The following NRXN1 variants were observed in gnomAD, a reference collection of about 807,000 sequenced individuals.
NRXN1 encodes the protein neurexin 1, also known as neurexin-1.
NRXN1 carries 39 observed loss-of-function variants against 150.9 expected under a neutral mutation model. The observed-to-expected ratio is 0.26, with a 90% CI of 0.20 to 0.34. The LOEUF (loss-of-function observed/expected upper bound fraction) is 0.34. Among genes scored for constraint, NRXN1 ranks in the 10% least tolerant of loss-of-function variants. NRXN1 has a pLI of 1.00. For synonymous variants in NRXN1, 924 were observed against 757.0 expected, an observed-to-expected ratio of 1.22 and a Z score of -3.62; for missense variants, 1,815 against 1,949.9, an observed-to-expected ratio of 0.93 and a Z score of 1.30.
chr2:50,542,171 C>T lies in NRXN1; in HGVS notation c.1760-3535G>A, dbSNP rs545967444. Reference sequence around the variant, plus strand: ...TGGTGCATGCCTGTAATCTCAGCTACTCGGGAGGCTGAGGCAGGAGAATCG... The same window carrying T: ...TGGTGCATGCCTGTAATCTCAGCTATTCGGGAGGCTGAGGCAGGAGAATCG... On this transcript the variant is annotated intron_variant, in intron 9 of 22. Coordinates refer to ENST00000401669, the MANE Select transcript of NRXN1 (RefSeq NM_001330078.2). Among the ~76,000 whole-genome samples the T allele has an allele frequency of 3.3e-5, 5 of 152,274 alleles. No individual in the cohort carries two copies. In the East Asian group the frequency reaches 9.7e-4, roughly 29 times the overall value.
At chr2:50,121,395 A>T (rs985056888) in intron 18 of NRXN1, among the ~76,000 whole-genome samples, 1 of 152,220 alleles carries the variant, frequency 6.6e-6, no homozygotes, top group Admixed American at 6.5e-5. Flanking sequence ...TCCATTTTAC[A>T]TATGATGAAA....
At chr2:50,072,614 T>A (rs1377236) in intron 19 of NRXN1, among the ~76,000 whole-genome samples, 95,741 of 139,572 alleles carry the variant, frequency 0.69, 31,807 homozygotes, top group Middle Eastern at 0.75. Context: ...AAAAAAAAAA[T>A]AAAACAGCAA....
At chr2:50,580,302 C>T (rs974244850) in intron 8 of NRXN1, among the ~76,000 whole-genome samples, 11 of 152,110 alleles carry the variant, frequency 7.2e-5, no homozygotes, top group Admixed American at 4.6e-4. Flanking sequence ...TCCATCCTTC[C>T]TATAAATCCC....
chr2:50,391,163 A>G (rs528710618), intron 17 of NRXN1, among the ~76,000 whole-genome samples: 196 of 152,208 alleles, frequency 1.3e-3, no homozygotes, highest in African/African-American at 4.4e-3. Context: ...GCAGATGAAA[A>G]TGAGAATGTT....
chr2:50,961,903 T>C (rs1311871096), intron 2 of NRXN1, among the ~76,000 whole-genome samples: 1 of 151,204 alleles, frequency 6.6e-6, no homozygotes, highest in African/African-American at 2.4e-5. Context: ...TCTTAGAAAA[T>C]CTAGACGCTT....
chr2:50,241,716 G>A (rs1346267857), intron 17 of NRXN1, among the ~76,000 whole-genome samples: 1 of 151,800 alleles, frequency 6.6e-6, no homozygotes, highest in African/African-American at 2.4e-5. Context: ...AACTGCCTGT[G>A]ATGTTATAAT....
intron 18 of NRXN1, among the ~76,000 whole-genome samples, chr2:50,179,838 G>T (rs1038983327): frequency 6.6e-6 from 1 of 151,986 alleles, no homozygotes; most frequent in Admixed American, 6.6e-5. Flanking sequence ...AGAGCTAGAC[G>T]TCCAGGCAGA....
chr2:50,786,332 T>C (rs1202521900), intron 5 of NRXN1, among the ~76,000 whole-genome samples: 2 of 152,050 alleles, frequency 1.3e-5, no homozygotes, highest in Non-Finnish European at 2.9e-5. Flanking sequence ...TTCCTCTTTA[T>C]AGCAAATTGG....
At chr2:50,906,096 G>T (rs1258464368) in intron 5 of NRXN1, among the ~76,000 whole-genome samples, 1 of 151,998 alleles carries the variant, frequency 6.6e-6, no homozygotes, top group Non-Finnish European at 1.5e-5. Flanking sequence ...TTACACTAGG[G>T]GCACTAAGGT....
At chr2:50,533,085 A>G (rs1358511701) in intron 10 of NRXN1, among the ~76,000 whole-genome samples, 5 of 152,134 alleles carry the variant, frequency 3.3e-5, no homozygotes, top group African/African-American at 1.2e-4. Flanking sequence ...TTTCTATAAG[A>G]CTTTAATCAC....
chr2:50,958,108 G>A (rs1359656073), intron 2 of NRXN1, among the ~76,000 whole-genome samples: 10 of 151,992 alleles, frequency 6.6e-5, no homozygotes, highest in Admixed American at 2.6e-4. Context: ...GTTTTGTTTC[G>A]CTTTGTTTCT....
chr2:50,673,119 A>T (rs191747504), intron 5 of NRXN1, among the ~76,000 whole-genome samples: 1 of 152,202 alleles, frequency 6.6e-6, no homozygotes, highest in Admixed American at 6.5e-5. Flanking sequence ...CAATAATTAA[A>T]ACTAAAAGTA....
chr2:50,292,516 C>A (rs529605294), intron 17 of NRXN1, among the ~76,000 whole-genome samples: 2 of 152,262 alleles, frequency 1.3e-5, no homozygotes, highest in African/African-American at 4.8e-5. Flanking sequence ...CAAAATGAAT[C>A]ATTTCCCAAC....
chr2:50,747,593 G>A (rs1218724301), intron 5 of NRXN1, among the ~76,000 whole-genome samples: 1 of 151,964 alleles, frequency 6.6e-6, no homozygotes, highest in Non-Finnish European at 1.5e-5. Context: ...AAGCCAGTGT[G>A]GCCACACTTG....
At chr2:50,471,282 T>C (rs1271620910) in intron 16 of NRXN1, among the ~76,000 whole-genome samples, 1 of 151,618 alleles carries the variant, frequency 6.6e-6, no homozygotes, top group Non-Finnish European at 1.5e-5. Context: ...GAGCCTCCAA[T>C]GTCCCTTATA....
intron 17 of NRXN1, among the ~76,000 whole-genome samples, chr2:50,384,623 G>A (rs1364576454): frequency 2.6e-5 from 4 of 151,242 alleles, no homozygotes; most frequent in African/African-American, 7.3e-5. Context: ...TCTGTAGGTA[G>A]TACTCTTTCC....
intron 18 of NRXN1, among the ~76,000 whole-genome samples, chr2:50,107,860 G>A (rs895556609): frequency 2.0e-5 from 3 of 151,734 alleles, no homozygotes; most frequent in South Asian, 2.1e-4. Context: ...GGCTCATAAT[G>A]GTCACAAAAC....
At chr2:50,749,010 A>C (rs1252530840) in intron 5 of NRXN1, among the ~76,000 whole-genome samples, 2 of 152,126 alleles carry the variant, frequency 1.3e-5, no homozygotes, top group Non-Finnish European at 2.9e-5. Flanking sequence ...CTAGGAATGG[A>C]TGCTTTGTAA....
chr2:50,580,340 C>G (rs1392533317), intron 8 of NRXN1, among the ~76,000 whole-genome samples: 2 of 152,128 alleles, frequency 1.3e-5, no homozygotes, highest in African/African-American at 4.8e-5. Flanking sequence ...ACAAAGCTAG[C>G]TGAAACCCAC....
Sources: gnomAD v4.1 joint callset for allele counts (sites outside exome capture counted in the v4.1 genomes callset) on GRCh38, gnomAD v4.1.1 for gene constraint, MANE v1.5 for transcripts, NCBI Gene and HGNC (gene_info 2026-07-23, HGNC 2026-07-21) for gene names.